OSBPL10: variants seen among roughly 807,000 people sequenced by gnomAD.
The protein encoded by OSBPL10 is oxysterol-binding protein-related protein 10.
In OSBPL10, 49 loss-of-function variants were observed where a neutral mutation model predicts 81.7. The observed-to-expected ratio is 0.60, with a 90% CI of 0.48 to 0.76. OSBPL10 has a LOEUF of 0.76. Among genes scored for constraint, OSBPL10 ranks in the 30% least tolerant of loss-of-function variants. The pLI is 0.00. For synonymous variants in OSBPL10, 419 were observed against 383.6 expected (o/e 1.09, Z -1.08); for missense variants, 923 against 987.8 (o/e 0.93, Z 0.88).
At chr3:31,850,740 C>G (rs191808915) in intron 3 of OSBPL10, among the ~76,000 whole-genome samples, 2 of 152,194 alleles carry the variant, frequency 1.3e-5, no homozygotes, top group Non-Finnish European at 1.5e-5. Context: ...AGCTACTGAA[C>G]CTGTCTTTGA....
At chr3:31,861,307 G>A (rs556522231) in intron 3 of OSBPL10, among the ~76,000 whole-genome samples, 162 of 152,104 alleles carry the variant, frequency 1.1e-3, no homozygotes, top group African/African-American at 3.8e-3. Context: ...GATATCAAAT[G>A]GCATTTTATT....
In OSBPL10 at chr3:32,000,095, T is replaced by A. The variant is rs542144679; in HGVS notation, n.298+46396A>T. Among the ~76,000 whole-genome samples the A allele has an allele frequency of 6.6e-5, 10 of 152,332 alleles. No individual in the cohort carries two copies. In the East Asian group the frequency reaches 1.9e-3, roughly 29 times the overall value. On this transcript the variant is annotated intron_variant and non_coding_transcript_variant, in intron 2 of 3. Coordinates refer to the OSBPL10 transcript ENST00000479173. ...TTGTTTGTTTCTAAGTCAGCCTTCATTTCCTCTGTCTTAGTCATACCAGCT... is the reference window on the plus strand; with the variant it reads ...TTGTTTGTTTCTAAGTCAGCCTTCAATTCCTCTGTCTTAGTCATACCAGCT...
chr3:31,855,343 A>C (rs1559493207), intron 3 of OSBPL10, among the ~76,000 whole-genome samples: 1 of 152,176 alleles, frequency 6.6e-6, no homozygotes, highest in Non-Finnish European at 1.5e-5. Flanking sequence ...CTTTAGCCTC[A>C]TTTAATCTGG....
At chr3:31,954,689 G>T (rs930231900) in intron 1 of OSBPL10, among the ~76,000 whole-genome samples, 3 of 152,114 alleles carry the variant, frequency 2.0e-5, no homozygotes, top group African/African-American at 7.2e-5. Context: ...CAGAGGTTGG[G>T]TAAAAATGCA....
intron 4 of OSBPL10, among the ~76,000 whole-genome samples, chr3:31,771,855 TTC>T (rs1275836825): frequency 2.0e-5 from 3 of 152,226 alleles, no homozygotes; most frequent in Admixed American, 6.5e-5. Flanking sequence ...ATCAACTCTC[TTC>T]TTTCTCAGTT....
At chr3:31,722,161 CATCTT>C (rs1696666164) in intron 6 of OSBPL10, among the ~76,000 whole-genome samples, 5 of 152,288 alleles carry the variant, frequency 3.3e-5, no homozygotes, top group Admixed American at 2.6e-4. Flanking sequence ...TTTTTTAACT[CATCTT>C]AACAGCCAAA....
intron 2 of OSBPL10, chr3:32,030,519 C>A: frequency 4.1e-6 from 3 of 731,608 alleles, no homozygotes; most frequent in Admixed American, 3.6e-5. Flanking sequence ...TCCTAAAATG[C>A]GTGAAGGAAA....
At position 31,911,373 on chromosome 3, in the gene OSBPL10, G is replaced by A. The variant is rs62243038; in HGVS notation, c.282-31543C>T. ...TAATCTTAAAGCTACTCTCATGGGGGTGGAGGAGTGGAATGGGAAGTGGCC... is the reference window on the plus strand; with the variant it reads ...TAATCTTAAAGCTACTCTCATGGGGATGGAGGAGTGGAATGGGAAGTGGCC... On this transcript the variant is annotated intron_variant, in intron 1 of 11. Coordinates refer to ENST00000396556, the MANE Select transcript of OSBPL10 (RefSeq NM_017784.5). 4.4e-3 allele frequency among the ~76,000 whole-genome samples: 677 copies of A among 152,236 alleles called. 5 individuals carry two copies. The highest frequency in any genetic ancestry group is 0.034 in the Middle Eastern group (10 of 294).
intron 4 of OSBPL10, among the ~76,000 whole-genome samples, chr3:31,784,495 T>A (rs950098501): frequency 2.6e-5 from 4 of 152,198 alleles, no homozygotes; most frequent in African/African-American, 9.7e-5. Flanking sequence ...AAAGAAATAA[T>A]CACAATCATA....
intron 6 of OSBPL10, among the ~76,000 whole-genome samples, chr3:31,717,811 A>G (rs1289210184): frequency 1.3e-5 from 2 of 152,178 alleles, no homozygotes; most frequent in African/African-American, 4.8e-5. Flanking sequence ...ATAAACCCCA[A>G]ATGAGGCTCA....
At chr3:31,833,737 A>ACACACT (rs1491340793) in intron 3 of OSBPL10, among the ~76,000 whole-genome samples, 117 of 139,936 alleles carry the variant, frequency 8.4e-4, no homozygotes, top group Middle Eastern at 3.6e-3. Flanking sequence ...ACACACACAC[A>ACACACT]CTCTCTCTCT....
At chr3:31,855,790 A>G (rs940142241) in intron 3 of OSBPL10, among the ~76,000 whole-genome samples, 1 of 152,058 alleles carries the variant, frequency 6.6e-6, no homozygotes, top group African/African-American at 2.4e-5. Flanking sequence ...TTTATCACTC[A>G]CAGTGGATGC....
In OSBPL10 at chr3:31,981,232, G is replaced by GGCGGCT; in HGVS notation, c.-59_-54dup. ...CCCGCCGCGGTGGCGGCCCCGGCAC[G>GGCGGCT]GCGGCTGCTGCTGCTGCTACAGCTC... On this transcript the variant is annotated 5_prime_UTR_variant, in exon 1 of 12. Coordinates refer to ENST00000396556, the MANE Select transcript of OSBPL10 (RefSeq NM_017784.5). The surrounding 1 kb of genome is among the most constrained non-coding windows in gnomAD (Gnocchi z 4.5). 7.5e-7 allele frequency: 1 copy of GGCGGCT among 1,339,040 alleles called. No individual in the cohort carries two copies. Among genetic ancestry groups the GGCGGCT allele is most frequent in the Non-Finnish European group, 9.5e-7 (1 of 1,053,730 alleles). The allele number at this position is 1,339,040 out of a possible 1,614,324, so 82.9% of individuals were successfully genotyped here. A position where few individuals can be genotyped will look rare whatever the true frequency, so the allele number is the denominator to read the frequency against.
intron 3 of OSBPL10, among the ~76,000 whole-genome samples, chr3:31,864,812 T>A (rs1701136653): frequency 6.6e-6 from 1 of 152,204 alleles, no homozygotes; most frequent in Admixed American, 6.5e-5. Flanking sequence ...TTGTTCGAGC[T>A]AGGGACAGGC....
chr3:31,988,855 T>A (rs906730724), intron 2 of OSBPL10: 2 of 596,028 alleles, frequency 3.4e-6, no homozygotes, highest in African/African-American at 3.7e-5. Flanking sequence ...ACTGCAGCCA[T>A]GACCCACAGC....
intron 1 of OSBPL10, among the ~76,000 whole-genome samples, chr3:31,952,214 T>TGCAAAGTGGAA (rs1167818934): frequency 1.3e-5 from 2 of 152,198 alleles, no homozygotes; most frequent in African/African-American, 4.8e-5. Context: ...AGCCATGCCT[T>TGCAAAGTGGAA]AGTACACATT....
rs562249437 is a variant in OSBPL10, at chr3:31,934,995, T to A, written c.281+45904A>T. On this transcript the variant is annotated intron_variant, in intron 1 of 11. Transcript: ENST00000396556. ...CCATCAAGAACCCCTTCAATCTTTC[T>A]GATTTGCAACTCTTAGCGCTTGGCC... Among the ~76,000 whole-genome samples, 5 of 152,312 alleles carry A rather than the reference T, an allele frequency of 3.3e-5. No homozygotes were observed. The South Asian group carries it at 1.0e-3, about 32-fold the overall frequency.
intron 1 of OSBPL10, among the ~76,000 whole-genome samples, chr3:31,943,143 A>G (rs1575050490): frequency 6.6e-6 from 1 of 152,244 alleles, no homozygotes; most frequent in East Asian, 1.9e-4. Context: ...ACTTCTTAGC[A>G]TAATGTTTTC....
chr3:31,985,477 T>C (rs1242300741), upstream of OSBPL10, among the ~76,000 whole-genome samples: 1 of 152,198 alleles, frequency 6.6e-6, no homozygotes, highest in Non-Finnish European at 1.5e-5. Flanking sequence ...GAATCAGTAG[T>C]TCCTAGTAGG....
Sources: gnomAD v4.1 joint callset for allele counts (sites outside exome capture counted in the v4.1 genomes callset) on GRCh38, gnomAD v4.1.1 for gene constraint, Gnocchi (gnomAD v3.1) non-coding constraint, MANE v1.5 for transcripts, NCBI Gene and HGNC (gene_info 2026-07-23, HGNC 2026-07-21) for gene names.